CLTCL1: variants seen among roughly 807,000 people sequenced by gnomAD.
CLTCL1 encodes clathrin heavy chain 2.
A neutral mutation model predicts 190.0 loss-of-function variants in CLTCL1; 159 were observed. The ratio of observed to expected loss-of-function variants is 0.84; its 90% CI spans 0.74 to 0.95. The LOEUF is 0.95. CLTCL1 is among the 40% of genes least tolerant of loss of function. The pLI, the probability that CLTCL1 is intolerant of heterozygous loss-of-function variation, is 0.00. For synonymous variants in CLTCL1, 752 were observed against 769.6 expected (o/e 0.98, Z 0.38); for missense variants, 1,878 against 2,033.4 (o/e 0.92, Z 1.47).
chr22:19,240,785 G>C (rs2086229217), intron 4 of CLTCL1, among the ~76,000 whole-genome samples: 1 of 152,202 alleles, frequency 6.6e-6, no homozygotes, highest in African/African-American at 2.4e-5. Context: ...ATAGAATGGG[G>C]CTTGACTGCT....
chr22:19,252,027 C>T (rs2086607238), intron 3 of CLTCL1, among the ~76,000 whole-genome samples: 2 of 152,200 alleles, frequency 1.3e-5, no homozygotes, highest in Non-Finnish European at 2.9e-5. Flanking sequence ...TTCATATCTT[C>T]TGGGGGTTGC....
At chr22:19,199,102 G>A (rs1325325523) in intron 24 of CLTCL1, among the ~76,000 whole-genome samples, 1 of 152,132 alleles carries the variant, frequency 6.6e-6, no homozygotes, top group Non-Finnish European at 1.5e-5. Context: ...CATGGCCATG[G>A]TGACACTGCT....
intron 2 of CLTCL1, among the ~76,000 whole-genome samples, chr22:19,271,555 T>C (rs1043234581): frequency 6.6e-6 from 1 of 152,194 alleles, no homozygotes; most frequent in African/African-American, 2.4e-5. Context: ...GATTATAAGT[T>C]TCCTCAGGCC....
At chr22:19,222,253 T>C (rs1041762699) in intron 15 of CLTCL1, among the ~76,000 whole-genome samples, 160 bp from the exon 16 acceptor site, 6 of 152,162 alleles carry the variant, frequency 3.9e-5, no homozygotes, top group Non-Finnish European at 4.4e-5. Flanking sequence ...TAACCCCTAG[T>C]GGGATTCTAC....
At chr22:19,191,226 A>G (rs2084491869) in intron 27 of CLTCL1, 78 bp downstream of exon 27, 2 of 1,563,700 alleles carry the variant, frequency 1.3e-6, no homozygotes, top group Admixed American at 3.6e-5. Context: ...AAAACTCTTT[A>G]TAAAGGTGCT....
chr22:19,255,534 G>C (rs2086717463), intron 2 of CLTCL1, among the ~76,000 whole-genome samples: 1 of 151,986 alleles, frequency 6.6e-6, no homozygotes, highest in Non-Finnish European at 1.5e-5. Flanking sequence ...CTGCACTCCA[G>C]CCTGGGTGAC....
At chr22:19,232,885 T>G in intron 9 of CLTCL1, 2 of 545,732 alleles carry the variant, frequency 3.7e-6, no homozygotes, top group Non-Finnish European at 6.3e-6. Context: ...GATCTGGGAG[T>G]CTGCCAAAAT....
rs1366821402 is a variant in CLTCL1 at position 19,196,142 on chromosome 22, G to C, written c.4191+124C>G. 5.2e-6 allele frequency: 5 copies of C among 956,134 alleles called. No homozygotes were observed. The African/African-American group carries it at 6.6e-5, about 13-fold the overall frequency. 59.2% of individuals were successfully genotyped at this position (956,134 alleles called of 1,614,324 possible). A position where few individuals can be genotyped will look rare whatever the true frequency, so the allele number is the denominator to read the frequency against. On this transcript the variant is annotated intron_variant, in intron 26 of 32. Transcript: ENST00000427926. Reference sequence around the variant, plus strand: ...CCCAGAGGGTGGTGGACTCATACAAGTGAACGCACACACAGCATGGGGGCA... The same window carrying C: ...CCCAGAGGGTGGTGGACTCATACAACTGAACGCACACACAGCATGGGGGCA...
rs1341520550 is a variant in CLTCL1, at chr22:19,221,602, C to CAGCTTG, written c.2565_2570dup (p.Lys856_Leu857dup). Reference sequence around the variant, plus strand: ...TCTGGGACTCCAGCCAGGGAAGCAGCAGCTTGAGCCTTTGAAAGAAGGAAG... The same window carrying CAGCTTG: ...TCTGGGACTCCAGCCAGGGAAGCAGCAGCTTGAGCTTGAGCCTTTGAAAGAAGGAAG... On this transcript the variant is annotated inframe_insertion, in exon 17 of 33. Transcript: ENST00000427926. The CAGCTTG allele has an allele frequency of 1.9e-6, 3 of 1,583,188 alleles. No homozygotes were observed. The highest frequency in any genetic ancestry group is 2.6e-6 in the Non-Finnish European group (3 of 1,164,046).
intron 30 of CLTCL1, 113 bp from the exon 31 acceptor site, chr22:19,180,919 G>C (rs1260149008): frequency 4.5e-6 from 4 of 883,182 alleles, no homozygotes; most frequent in East Asian, 2.4e-5. Context: ...TGACAGTGGA[G>C]GAGGTGCACA....
At position 19,210,363 on chromosome 22, in the gene CLTCL1, A is replaced by C; in HGVS notation, c.3212T>G (p.Val1071Gly). ...GGCATTCATATCAAACTTGTGGAAA[A>C]CGGTGAAGGCCTCCTCATACAGTGC... Reference protein sequence around the residue: ...SSALYEEAFTVFHKFDMNASA... With the variant: ...SSALYEEAFTGFHKFDMNASA... The change falls in exon 20 of 33, where the codon GTT becomes GGT. Residue 1071 changes from valine to glycine, a missense_variant. Transcript: ENST00000427926. 6.2e-7 allele frequency: 1 copy of C among 1,613,944 alleles called. No homozygotes were observed. Among genetic ancestry groups the C allele is most frequent in the South Asian group, 1.1e-5 (1 of 91,084 alleles).
chr22:19,221,895 A>G (rs1490287867), intron 16 of CLTCL1, 56 bp downstream of exon 16: 3 of 1,587,510 alleles, frequency 1.9e-6, no homozygotes, highest in Non-Finnish European at 2.6e-6. Context: ...AGACAGAAAC[A>G]ACAACAGACA....
intron 18 of CLTCL1, among the ~76,000 whole-genome samples, chr22:19,218,192 G>A (rs1569183963): frequency 6.6e-6 from 1 of 152,224 alleles, no homozygotes; most frequent in Non-Finnish European, 1.5e-5. Flanking sequence ...GCCCCCGCTG[G>A]CTCCGGTATG....
intron 1 of CLTCL1, among the ~76,000 whole-genome samples, chr22:19,288,456 G>A (rs1202560793): frequency 1.3e-5 from 2 of 152,132 alleles, no homozygotes; most frequent in Admixed American, 6.5e-5. Flanking sequence ...AACAGTTATT[G>A]TTTAATGCTT....
intron 2 of CLTCL1, among the ~76,000 whole-genome samples, chr22:19,273,503 T>G (rs1217609499): frequency 6.6e-6 from 1 of 152,058 alleles, no homozygotes; most frequent in South Asian, 2.1e-4. Context: ...CTGATGGACA[T>G]AAACCACCTT....
intron 18 of CLTCL1, among the ~76,000 whole-genome samples, chr22:19,218,654 T>C (rs948986014): frequency 3.3e-5 from 5 of 152,308 alleles, no homozygotes; most frequent in Middle Eastern, 3.4e-3. Flanking sequence ...TGTTCCAACA[T>C]TGGTCTTGCC....
At chr22:19,218,990 A>G (rs712948) in intron 18 of CLTCL1, among the ~76,000 whole-genome samples, 116,255 of 151,958 alleles carry the variant, frequency 0.77, 45,778 homozygotes, top group East Asian at 0.94. Flanking sequence ...GCATGCAGGC[A>G]TGACACCAGG....
chr22:19,267,390 T>C (rs1485875251), intron 2 of CLTCL1, among the ~76,000 whole-genome samples: 3 of 152,180 alleles, frequency 2.0e-5, no homozygotes. Context: ...TCTTACCAAA[T>C]TGATAAATTC....
intron 2 of CLTCL1, among the ~76,000 whole-genome samples, chr22:19,269,595 T>C (rs1198213061): frequency 3.9e-5 from 6 of 152,120 alleles, no homozygotes; most frequent in Non-Finnish European, 7.3e-5. Context: ...CGGAATACTA[T>C]GCAGCCACAA....
Sources: gnomAD v4.1 joint callset for allele counts (sites outside exome capture counted in the v4.1 genomes callset) on GRCh38, gnomAD v4.1.1 for gene constraint, MANE v1.5 for transcripts, NCBI Gene and HGNC (gene_info 2026-07-23, HGNC 2026-07-21) for gene names.